NUP210L: variants seen among roughly 807,000 people sequenced by gnomAD.
NUP210L encodes nucleoporin 210 like, also known as nuclear pore membrane glycoprotein 210-like.
Under a neutral mutation model 208.5 loss-of-function variants are expected in NUP210L, and 74 were observed. The observed-to-expected ratio is 0.35, with a 90% CI of 0.29 to 0.43. The LOEUF (loss-of-function observed/expected upper bound fraction) is 0.43. Ranked by LOEUF, NUP210L falls within the 20% of genes least tolerant of loss-of-function variation. The pLI is 1.00. For missense variants in NUP210L, 1,843 were observed against 2,289.4 expected (o/e 0.81, Z 3.98); for synonymous variants, 780 against 816.9 (o/e 0.95, Z 0.77).
At chr1:153,999,535 C>T (rs1383025081) in intron 37 of NUP210L, among the ~76,000 whole-genome samples, 1 of 151,938 alleles carries the variant, frequency 6.6e-6, no homozygotes, top group East Asian at 1.9e-4. Context: ...GTCAGGAGTT[C>T]CAGACCAGCC....
intron 37 of NUP210L, among the ~76,000 whole-genome samples, chr1:153,998,959 T>G (rs1019720377): frequency 7.9e-5 from 12 of 151,972 alleles, no homozygotes; most frequent in African/African-American, 2.9e-4. Flanking sequence ...CAAGTGATCC[T>G]CCATCTTAGC....
intron 37 of NUP210L, among the ~76,000 whole-genome samples, 199 bp from the exon 38 acceptor site, chr1:153,995,379 T>A (rs985924466): frequency 6.6e-6 from 1 of 152,162 alleles, no homozygotes; most frequent in Admixed American, 6.5e-5. Flanking sequence ...AAAATAGTAA[T>A]AAGAGTATCT....
chr1:154,136,107 G>T (rs111367304), intron 6 of NUP210L, 135 bp from the exon 7 acceptor site: 5 of 649,138 alleles, frequency 7.7e-6, no homozygotes, highest in Non-Finnish European at 1.3e-5. Context: ...TGTTTTTCCT[G>T]CTATGATGAA....
At chr1:154,045,658 G>T (rs1484795393) in intron 27 of NUP210L, among the ~76,000 whole-genome samples, 1 of 152,168 alleles carries the variant, frequency 6.6e-6, no homozygotes, top group Non-Finnish European at 1.5e-5. Flanking sequence ...TAATAATATT[G>T]TGTAGTTTAG....
At chr1:154,058,753 G>A in intron 20 of NUP210L, 60 bp from the exon 21 acceptor site, 3 of 1,561,226 alleles carry the variant, frequency 1.9e-6, no homozygotes, top group Non-Finnish European at 1.7e-6. Flanking sequence ...CATAATCAAA[G>A]CAACTATTTT....
At chr1:154,075,380 A>G (rs1052369803) in intron 16 of NUP210L, among the ~76,000 whole-genome samples, 7 of 152,110 alleles carry the variant, frequency 4.6e-5, no homozygotes, top group Non-Finnish European at 1.0e-4. Flanking sequence ...AACATCATAA[A>G]TATTCCACTT....
intron 16 of NUP210L, among the ~76,000 whole-genome samples, chr1:154,083,637 G>GA (rs919838635): frequency 6.6e-6 from 1 of 151,944 alleles, no homozygotes; most frequent in Non-Finnish European, 1.5e-5. Flanking sequence ...GATGTGTGGG[G>GA]AAAAAACCCA....
intron 27 of NUP210L, among the ~76,000 whole-genome samples, chr1:154,045,123 G>A (rs1446027953): frequency 6.6e-6 from 1 of 152,086 alleles, no homozygotes; most frequent in Non-Finnish European, 1.5e-5. Flanking sequence ...ACTTGTCGTT[G>A]ATATAAGACA....
chr1:154,099,627 T>G (rs1656360123), intron 14 of NUP210L, among the ~76,000 whole-genome samples: 1 of 152,190 alleles, frequency 6.6e-6, no homozygotes, highest in African/African-American at 2.4e-5. Context: ...GAGAGTACAC[T>G]AATATACTAA....
intron 27 of NUP210L, among the ~76,000 whole-genome samples, chr1:154,032,990 AAAG>A (rs1652337077): frequency 6.7e-6 from 1 of 148,724 alleles, no homozygotes; most frequent in South Asian, 2.1e-4. Context: ...AAAGAAAAGA[AAAG>A]AAAGAAAGAA....
At chr1:154,060,813 T>C (rs1654093879) in intron 19 of NUP210L, 129 bp downstream of exon 19, 1 of 747,684 alleles carries the variant, frequency 1.3e-6, no homozygotes, top group South Asian at 1.8e-5. Context: ...GCAACTATTA[T>C]ATATGTGTTT....
chr1:154,084,549 C>T (rs939575275), intron 16 of NUP210L, among the ~76,000 whole-genome samples: 2 of 151,626 alleles, frequency 1.3e-5, no homozygotes, highest in African/African-American at 4.8e-5. Flanking sequence ...ACTATATTGT[C>T]CAGGCTGGTG....
intron 16 of NUP210L, among the ~76,000 whole-genome samples, chr1:154,075,244 A>G (rs765070730): frequency 9.2e-5 from 14 of 152,194 alleles, no homozygotes; most frequent in Non-Finnish European, 5.9e-5. Flanking sequence ...TGTTTTAAAA[A>G]AGTATGAGTT....
chr1:154,091,941 T>C (rs952595034), intron 15 of NUP210L, among the ~76,000 whole-genome samples: 1 of 151,980 alleles, frequency 6.6e-6, no homozygotes, highest in African/African-American at 2.4e-5. Context: ...TTAAGTGAAA[T>C]AGGCCAGTCA....
chr1:154,131,067 C>A (rs1383858210), intron 7 of NUP210L, among the ~76,000 whole-genome samples: 1 of 151,716 alleles, frequency 6.6e-6, no homozygotes, highest in Non-Finnish European at 1.5e-5. Context: ...AAGATTGAGA[C>A]CATCCTGGCT....
intron 17 of NUP210L, among the ~76,000 whole-genome samples, chr1:154,062,694 C>T (rs1654207080): frequency 6.7e-6 from 1 of 148,654 alleles, no homozygotes; most frequent in South Asian, 2.1e-4. Context: ...CTCAAGCAGT[C>T]CTCCCACCTC....
rs775846838 is a variant in NUP210L, at chr1:154,000,993, G to A, written c.5249C>T (p.Ala1750Val). ...GTTGACCACTCTTACAGAGTAAATG[G>A]CCAGGCCAGGAGTGAGGGGAGAGTG... Residue 1750 changes from alanine (A) to valine (V), a missense_variant, in exon 37 of 40, where the codon GCC (alanine) becomes GTC (valine). This residue lies in a region of NUP210L where 781 missense variants were observed against 973.8 expected (regional missense o/e 0.80). Coordinates refer to ENST00000368559, the Ensembl canonical transcript of NUP210L. 4 of 1,614,160 alleles carry A rather than the reference G, an allele frequency of 2.5e-6. No homozygotes were observed. In the South Asian group the frequency reaches 4.4e-5, roughly 18 times the overall value.
intron 33 of NUP210L, among the ~76,000 whole-genome samples, chr1:154,015,365 C>T (rs1557915137): frequency 6.7e-6 from 1 of 149,932 alleles, no homozygotes; most frequent in East Asian, 2.0e-4. Context: ...GCAGGTAGAA[C>T]ACTTGAGCCC....
intron 2 of NUP210L, among the ~76,000 whole-genome samples, chr1:154,146,623 C>G (rs936410533): frequency 9.4e-6 from 1 of 106,606 alleles, no homozygotes; most frequent in Non-Finnish European, 1.9e-5. Flanking sequence ...CCCCCCTCCC[C>G]CCCCCACCAA....
Sources: gnomAD v4.1 joint callset for allele counts (sites outside exome capture counted in the v4.1 genomes callset) on GRCh38, gnomAD v4.1.1 for gene constraint, gnomAD v4.1.1 regional missense constraint, MANE v1.5 for transcripts, NCBI Gene and HGNC (gene_info 2026-07-23, HGNC 2026-07-21) for gene names.